The following LOXL2 variants were observed in gnomAD, a reference collection of about 807,000 sequenced individuals.
LOXL2 encodes lysyl oxidase homolog 2.
In LOXL2, 70 loss-of-function variants were observed where a neutral mutation model predicts 93.0. The observed-to-expected ratio is 0.75, with a 90% confidence interval of 0.62 to 0.92. The LOEUF (loss-of-function observed/expected upper bound fraction) is 0.92, where lower values mean the gene tolerates loss of function less well. LOXL2 is among the 40% of genes least tolerant of loss of function. LOXL2 has a pLI of 0.00. For synonymous variants in LOXL2, 438 were observed against 413.2 expected, an observed-to-expected ratio of 1.06 and a Z score of -0.73; for missense variants, 973 against 1,054.9, an observed-to-expected ratio of 0.92 and a Z score of 1.08.
chr8:23,383,646 G>GTTTTTTTTTTTTTTTTTTTTTTTTTTT (rs1204879895), intron 1 of LOXL2, among the ~76,000 whole-genome samples: 2 of 117,656 alleles, frequency 1.7e-5, no homozygotes, highest in Non-Finnish European at 1.7e-5. Context: ...GCACTTTTAC[G>GTTTTTTTTTTTTTTTTTTTTTTTTTTT]TTTTTTTTTT....
chr8:23,376,553 C>T (rs56657390), intron 1 of LOXL2, among the ~76,000 whole-genome samples: 22,657 of 151,812 alleles, frequency 0.15, 1,697 homozygotes, highest in East Asian at 0.22. Flanking sequence ...AATTCGGCTG[C>T]GAATCTGTCT....
intron 1 of LOXL2, among the ~76,000 whole-genome samples, chr8:23,392,590 C>T (rs1804861667): frequency 6.6e-6 from 1 of 152,194 alleles, no homozygotes; most frequent in South Asian, 2.1e-4. Flanking sequence ...ACTGGCATGG[C>T]TCCCACTACC....
At chr8:23,391,545 TCAGA>T (rs1242168459) in intron 1 of LOXL2, among the ~76,000 whole-genome samples, 1 of 152,156 alleles carries the variant, frequency 6.6e-6, no homozygotes, top group Non-Finnish European at 1.5e-5. Flanking sequence ...ACACACTCTC[TCAGA>T]CACACTGTTT....
rs759017854 is a variant in LOXL2, at chr8:23,320,007, C to T, written c.1348G>A (p.Val450Met). The T allele has an allele frequency of 6.2e-7, 1 of 1,614,138 alleles. No homozygotes were observed. The highest frequency in any genetic ancestry group is 8.5e-7 in the Non-Finnish European group (1 of 1,179,976). ...GRNPYEGRVE[V>M]LVERNGSLVW... ...AGGGACCCGTTTCTCTCCACCAGCA[C>T]CTCCACTCGGCCCTCGTAGGGATTG... Residue 450 changes from valine (V) to methionine (M), a missense_variant, in exon 8 of 14, where the codon GTG (valine) becomes ATG (methionine). Transcript: ENST00000389131.
At chr8:23,374,717 T>C (rs1804558852) in intron 1 of LOXL2, among the ~76,000 whole-genome samples, 1 of 152,272 alleles carries the variant, frequency 6.6e-6, no homozygotes, top group African/African-American at 2.4e-5. Flanking sequence ...TGAGCATTTA[T>C]TCATGTGTCT....
In LOXL2 at chr8:23,322,136, C is replaced by T. The variant is rs753054497; in HGVS notation, c.1296G>A (p.Gln432=). 1.9e-5 allele frequency: 30 copies of T among 1,614,016 alleles called. No homozygotes were observed. The East Asian group carries it at 6.7e-4, about 36-fold the overall frequency. The part of the protein sequence containing the change: ...VRCNTPAMGL[Q]KKLRLNGGRN... Reference sequence around the variant, plus strand: ...AGGTGTCCAGTCCCATCACCTTCTTCTGCAAGCCCATGGCAGGGGTGTTGC... The same window carrying T: ...AGGTGTCCAGTCCCATCACCTTCTTTTGCAAGCCCATGGCAGGGGTGTTGC... Residue 432 remains glutamine (Q), a synonymous_variant, in exon 7 of 14, where the codon CAG becomes CAA. Transcript: ENST00000389131.
chr8:23,301,657 A>G (rs886486102), intron 12 of LOXL2, among the ~76,000 whole-genome samples: 2 of 152,172 alleles, frequency 1.3e-5, no homozygotes, highest in African/African-American at 4.8e-5. Flanking sequence ...ACTAGGAGAA[A>G]TGGGGATGGT....
chr8:23,336,808 G>C (rs1462318179), intron 4 of LOXL2: 1 of 151,200 alleles, frequency 6.6e-6, no homozygotes, highest in African/African-American at 2.4e-5. Context: ...GTGGCCAGTA[G>C]TCCAAAAGAT....
At chr8:23,298,445 CT>C (rs1803074591) in intron 13 of LOXL2, among the ~76,000 whole-genome samples, 1 of 152,192 alleles carries the variant, frequency 6.6e-6, no homozygotes, top group African/African-American at 2.4e-5. Context: ...AAAAAAGTGT[CT>C]TTATTGGAGA....
chr8:23,397,971 A>G (rs1009088723), intron 1 of LOXL2, among the ~76,000 whole-genome samples: 1 of 151,360 alleles, frequency 6.6e-6, no homozygotes, highest in African/African-American at 2.4e-5. Flanking sequence ...AAAAAAAAAA[A>G]AAAAAAAAAA....
chr8:23,306,372 C>T (rs1803229204), intron 10 of LOXL2, among the ~76,000 whole-genome samples: 1 of 152,212 alleles, frequency 6.6e-6, no homozygotes, highest in African/African-American at 2.4e-5. Flanking sequence ...AGGTGCTCTG[C>T]CACGGTGGGG....
At position 23,300,150 on chromosome 8, in the gene LOXL2, G is replaced by A. The variant is rs999614423; in HGVS notation, c.2134-1203C>T. Among the ~76,000 whole-genome samples the A allele has an allele frequency of 4.6e-5, 7 of 152,268 alleles. No homozygotes were observed. In the East Asian group the frequency reaches 1.2e-3, roughly 25 times the overall value. On this transcript the variant is annotated intron_variant, in intron 12 of 13. Transcript: ENST00000389131. ...AGCTCCTTGGCCGCCCAGGCGTCTC[G>A]ACAGTGCAGCCGTGAGGGCGGCTGG...
chr8:23,328,593 A>G (rs751719405), intron 5 of LOXL2, 28 bp from the exon 6 acceptor site: 2 of 1,609,410 alleles, frequency 1.2e-6, no homozygotes, highest in Admixed American at 3.3e-5. Flanking sequence ...CCTGCTGAGT[A>G]CAGACGCTGA....
At position 23,349,043 on chromosome 8, in the gene LOXL2, C is replaced by G. The variant is rs186678300; in HGVS notation, c.532-7840G>C. Among the ~76,000 whole-genome samples, 120 of 152,304 alleles carry G rather than the reference C, an allele frequency of 7.9e-4. 1 individual carries two copies. Among genetic ancestry groups the G allele is most frequent in the Non-Finnish European group, 7.5e-4 (51 of 68,028 alleles). On this transcript the variant is annotated intron_variant, in intron 3 of 13. Transcript: ENST00000389131. ...TCGAGTCATTGAGGGATGCTCCTGC[C>G]TCTAGCTTTGCAGACCTTCGTGACC...
intron 4 of LOXL2, chr8:23,336,742 A>G (rs1399597274): frequency 1.3e-5 from 2 of 152,226 alleles, no homozygotes; most frequent in African/African-American, 2.4e-5. Context: ...CTAAAAACCC[A>G]TAAGCCCCCA....
chr8:23,384,005 GAAGT>G (rs1426078967), intron 1 of LOXL2, among the ~76,000 whole-genome samples: 8 of 152,192 alleles, frequency 5.3e-5, no homozygotes, highest in African/African-American at 1.2e-4. Context: ...TGCAAGGCTA[GAAGT>G]AAGAACGTTA....
rs117054188 is a variant in LOXL2, at chr8:23,364,191, A to G, written c.355+3806T>C. 2.0e-5 allele frequency: 3 copies of G among 151,966 alleles called. No homozygotes were observed. In the East Asian group the frequency reaches 5.8e-4, roughly 30 times the overall value. 9.4% of individuals were successfully genotyped at this position (151,966 alleles called of 1,614,324 possible). Reference sequence around the variant, plus strand: ...GCAAAGGGCCCTTTTTTTTCCCTCTACAGGCTTAGTGCTTATTAACTAGAC... The same window carrying G: ...GCAAAGGGCCCTTTTTTTTCCCTCTGCAGGCTTAGTGCTTATTAACTAGAC... On this transcript the variant is annotated intron_variant, in intron 2 of 13. Transcript: ENST00000389131.
chr8:23,324,497 C>T (rs1419008694), intron 6 of LOXL2, among the ~76,000 whole-genome samples: 2 of 152,162 alleles, frequency 1.3e-5, no homozygotes, highest in Non-Finnish European at 2.9e-5. Context: ...GGGTGTCTGG[C>T]TTCAGCGTCT....
At chr8:23,299,130 A>G (rs1803085751) in intron 12 of LOXL2, among the ~76,000 whole-genome samples, 183 bp from the exon 13 acceptor site, 1 of 152,196 alleles carries the variant, frequency 6.6e-6, no homozygotes, top group Non-Finnish European at 1.5e-5. Flanking sequence ...CAGGGAGCAG[A>G]GGAAGCATGG....
Sources: allele counts gnomAD v4.1 joint callset (sites outside exome capture counted in the v4.1 genomes callset), GRCh38; gene constraint gnomAD v4.1.1; transcripts MANE v1.5; gene names NCBI Gene and HGNC (gene_info 2026-07-23, HGNC 2026-07-21).